Variants in ZNF385B observed in about 807,000 individuals in gnomAD.
ZNF385B encodes the protein zinc finger protein 385B.
Under a neutral mutation model 39.2 loss-of-function variants are expected in ZNF385B, and 23 were observed. The observed-to-expected ratio is 0.59, with a 90% CI of 0.42 to 0.83. The LOEUF is 0.83. Ranked by LOEUF, ZNF385B falls within the 40% of genes least tolerant of loss-of-function variation. The pLI, the probability that ZNF385B is intolerant of heterozygous loss-of-function variation, is 0.00. For missense variants in ZNF385B, 552 were observed against 598.9 expected (o/e 0.92, Z 0.82); for synonymous variants, 205 against 222.6 (o/e 0.92, Z 0.70).
intron 3 of ZNF385B, among the ~76,000 whole-genome samples, chr2:179,569,164 G>C (rs558683741): frequency 6.6e-6 from 1 of 152,122 alleles, no homozygotes; most frequent in Non-Finnish European, 1.5e-5. Flanking sequence ...GCAGGCAAGC[G>C]TCAGAGCTGG....
chr2:179,751,464 G>A (rs1360155572), intron 3 of ZNF385B, among the ~76,000 whole-genome samples: 5 of 152,084 alleles, frequency 3.3e-5, no homozygotes, highest in Non-Finnish European at 5.9e-5. Flanking sequence ...AAACATATTT[G>A]AGGATAAATT....
intron 3 of ZNF385B, among the ~76,000 whole-genome samples, chr2:179,550,488 A>G (rs1030029309): frequency 1.3e-5 from 2 of 149,702 alleles, no homozygotes; most frequent in Non-Finnish European, 3.0e-5. Flanking sequence ...AGCTGCCACT[A>G]CTCATTAGCA....
intron 3 of ZNF385B, among the ~76,000 whole-genome samples, chr2:179,600,658 G>A (rs185386510): frequency 1.3e-5 from 2 of 152,178 alleles, no homozygotes; most frequent in Admixed American, 1.3e-4. Flanking sequence ...TTTATTTTTG[G>A]TCCTACAGGG....
chr2:179,807,933 G>GAAAGAAAGAAAGAAAGAAA (rs1553538065), intron 1 of ZNF385B, among the ~76,000 whole-genome samples: 11 of 97,746 alleles, frequency 1.1e-4, no homozygotes, highest in Admixed American at 3.4e-4. Context: ...AAAGAAAGAA[G>GAAAGAAAGAAAGAAAGAAA]GAAGGAAGGA....
At chr2:179,737,566 A>G (rs531692738) in intron 3 of ZNF385B, among the ~76,000 whole-genome samples, 36 of 152,174 alleles carry the variant, frequency 2.4e-4, no homozygotes, top group Non-Finnish European at 1.3e-4. Context: ...GACATCTATG[A>G]TTGAAAAAAG....
At chr2:179,714,095 C>T (rs1166180825) in intron 3 of ZNF385B, among the ~76,000 whole-genome samples, 2 of 152,134 alleles carry the variant, frequency 1.3e-5, no homozygotes, top group African/African-American at 2.4e-5. Context: ...GAGAGCCATG[C>T]CCAGTCAGAC....
chr2:179,707,130 C>T (rs893593291), intron 3 of ZNF385B, among the ~76,000 whole-genome samples: 1 of 152,204 alleles, frequency 6.6e-6, no homozygotes, highest in African/African-American at 2.4e-5. Context: ...AGGGGGTAAC[C>T]CCATAAGACT....
intron 3 of ZNF385B, among the ~76,000 whole-genome samples, chr2:179,615,287 G>T (rs1025157855): frequency 6.6e-6 from 1 of 152,178 alleles, no homozygotes; most frequent in African/African-American, 2.4e-5. Context: ...ACGATAAGAA[G>T]AGTTTCTACC....
chr2:179,711,759 A>AT (rs2106385020), intron 3 of ZNF385B, among the ~76,000 whole-genome samples: 1 of 152,026 alleles, frequency 6.6e-6, no homozygotes, highest in South Asian at 2.1e-4. Context: ...TATAAACTGC[A>AT]TTTTTTTAAA....
chr2:179,645,739 C>T (rs1011853739), intron 3 of ZNF385B, among the ~76,000 whole-genome samples: 6 of 152,294 alleles, frequency 3.9e-5, no homozygotes, highest in East Asian at 3.9e-4. Context: ...CAGCCTGATG[C>T]GTGCTCTCCT....
intron 6 of ZNF385B, among the ~76,000 whole-genome samples, chr2:179,464,922 A>G (rs950157774): frequency 2.0e-5 from 3 of 151,942 alleles, no homozygotes; most frequent in African/African-American, 7.3e-5. Flanking sequence ...TGAAATCTCC[A>G]TGTTCTAAAA....
chr2:179,604,769 A>G (rs1283401831), intron 3 of ZNF385B, among the ~76,000 whole-genome samples: 2 of 152,126 alleles, frequency 1.3e-5, no homozygotes, highest in African/African-American at 2.4e-5. Flanking sequence ...TCCTTGTCAA[A>G]GTGGTTTCTG....
At chr2:179,520,541 C>T (rs975641751) in intron 4 of ZNF385B, among the ~76,000 whole-genome samples, 12 of 152,094 alleles carry the variant, frequency 7.9e-5, no homozygotes, top group Admixed American at 7.9e-4. Flanking sequence ...ATACTTAAAT[C>T]CCATCTATCT....
intron 1 of ZNF385B, among the ~76,000 whole-genome samples, chr2:179,789,164 A>C (rs968851834): frequency 6.6e-6 from 1 of 152,150 alleles, no homozygotes; most frequent in Non-Finnish European, 1.5e-5. Context: ...AGAAAAAAAA[A>C]CCCTGGAAAA....
chr2:179,493,783 A>ATGTATGTATATG (rs1559338449), intron 5 of ZNF385B, among the ~76,000 whole-genome samples: 2 of 103,060 alleles, frequency 1.9e-5, no homozygotes, highest in Non-Finnish European at 4.5e-5. Flanking sequence ...ATGTATATAC[A>ATGTATGTATATG]CATATGTATA....
intron 1 of ZNF385B, among the ~76,000 whole-genome samples, chr2:179,854,408 G>A (rs1684416421): frequency 6.6e-6 from 1 of 151,824 alleles, no homozygotes; most frequent in Non-Finnish European, 1.5e-5. Context: ...CTGATTTAAT[G>A]ATTGTCTTTG....
At chr2:179,663,329 G>A (rs566207616) in intron 3 of ZNF385B, among the ~76,000 whole-genome samples, 7 of 152,238 alleles carry the variant, frequency 4.6e-5, no homozygotes, top group African/African-American at 1.7e-4. Flanking sequence ...ACAGGTTTAT[G>A]ATTTTATGGA....
chr2:179,757,644 C>G (rs1352222898), intron 3 of ZNF385B, among the ~76,000 whole-genome samples: 1 of 152,192 alleles, frequency 6.6e-6, no homozygotes, highest in African/African-American at 2.4e-5. Context: ...TGTTTACCTA[C>G]TTAAGCCTCA....
At chr2:179,502,136 C>T (rs1229712382) in intron 5 of ZNF385B, among the ~76,000 whole-genome samples, 1 of 152,194 alleles carries the variant, frequency 6.6e-6, no homozygotes, top group Non-Finnish European at 1.5e-5. Context: ...TATCCAATTC[C>T]TGTACTTCCA....
Sources: allele counts gnomAD v4.1 joint callset (sites outside exome capture counted in the v4.1 genomes callset), GRCh38; gene constraint gnomAD v4.1.1; transcripts MANE v1.5; gene names NCBI Gene and HGNC (gene_info 2026-07-23, HGNC 2026-07-21).